The following FSTL5 variants were observed in gnomAD, a reference collection of about 807,000 sequenced individuals.
The protein encoded by FSTL5 is follistatin like 5, also known as follistatin-related protein 5.
A neutral mutation model predicts 89.1 loss-of-function variants in FSTL5; 62 were observed. The ratio of observed to expected loss-of-function variants is 0.70; its 90% CI spans 0.57 to 0.86. FSTL5 has a LOEUF of 0.86. Among genes scored for constraint, FSTL5 ranks in the 40% least tolerant of loss-of-function variants. The pLI is 0.00. For synonymous variants in FSTL5, 383 were observed against 346.2 expected (o/e 1.11, Z -1.18); for missense variants, 1,057 against 1,001.6 (o/e 1.06, Z -0.75).
At chr4:161,958,277 C>T (rs960796665) in intron 3 of FSTL5, among the ~76,000 whole-genome samples, 1 of 151,940 alleles carries the variant, frequency 6.6e-6, no homozygotes, top group Non-Finnish European at 1.5e-5. Context: ...TCTTTAATGT[C>T]CATATCTACT....
intron 15 of FSTL5, among the ~76,000 whole-genome samples, chr4:161,399,228 G>A (rs1731101012): frequency 6.6e-6 from 1 of 152,032 alleles, no homozygotes. Context: ...CTGATGTCAT[G>A]AATGGTCAAA....
At chr4:161,651,817 A>C (rs1003400717) in intron 7 of FSTL5, among the ~76,000 whole-genome samples, 2 of 152,216 alleles carry the variant, frequency 1.3e-5, no homozygotes, top group Non-Finnish European at 2.9e-5. Context: ...TTGCAAAACA[A>C]TGTCATAATG....
chr4:161,838,249 C>T (rs1326620737), intron 4 of FSTL5, among the ~76,000 whole-genome samples: 3 of 152,088 alleles, frequency 2.0e-5, no homozygotes, highest in South Asian at 2.1e-4. Flanking sequence ...GGTGTTGTAC[C>T]TCTTTACCTT....
intron 10 of FSTL5, among the ~76,000 whole-genome samples, chr4:161,528,394 A>T (rs1280441197): frequency 7.0e-6 from 1 of 143,660 alleles, no homozygotes; most frequent in East Asian, 2.4e-4. Flanking sequence ...TATAAAGCAA[A>T]AAAGGAGGAA....
chr4:161,887,478 A>C (rs1430340203), intron 4 of FSTL5, among the ~76,000 whole-genome samples: 1 of 151,390 alleles, frequency 6.6e-6, no homozygotes, highest in Non-Finnish European at 1.5e-5. Flanking sequence ...CTGTTTTTCT[A>C]TCTACTTCTA....
rs1358538331 is a variant in FSTL5 at position 161,562,255 on chromosome 4, G to C, written c.1016-19562C>G. Among the ~76,000 whole-genome samples the C allele has an allele frequency of 5.9e-5, 9 of 151,864 alleles. No homozygotes were observed. In the South Asian group the frequency reaches 1.3e-3, roughly 21 times the overall value. Reference sequence around the variant, plus strand: ...TCACTTTGTAGGAAGTTTTGAAATTGGGAAGTGTGAGTTCCCCAGGTTTGT... The same window carrying C: ...TCACTTTGTAGGAAGTTTTGAAATTCGGAAGTGTGAGTTCCCCAGGTTTGT... On this transcript the variant is annotated intron_variant, in intron 8 of 15. Coordinates refer to ENST00000306100, the MANE Select transcript of FSTL5 (RefSeq NM_020116.5).
chr4:161,938,508 T>C (rs1734492842), intron 3 of FSTL5, among the ~76,000 whole-genome samples: 1 of 152,050 alleles, frequency 6.6e-6, no homozygotes, highest in Non-Finnish European at 1.5e-5. Context: ...CAGAGAATTG[T>C]TTCTATGAGA....
intron 15 of FSTL5, among the ~76,000 whole-genome samples, chr4:161,391,004 G>A (rs2314133): frequency 0.18 from 26,756 of 151,998 alleles, 2,495 homozygotes; most frequent in South Asian, 0.33. Context: ...ACAAGCCTTC[G>A]CACGCGCATT....
At chr4:161,883,110 G>A (rs980055106) in intron 4 of FSTL5, among the ~76,000 whole-genome samples, 5 of 152,098 alleles carry the variant, frequency 3.3e-5, no homozygotes, top group Non-Finnish European at 7.4e-5. Context: ...TGGGAAGTGT[G>A]ATTTTGTTTT....
chr4:161,811,649 GA>G (rs1475201837), intron 4 of FSTL5, among the ~76,000 whole-genome samples: 3 of 151,832 alleles, frequency 2.0e-5, no homozygotes, highest in Non-Finnish European at 2.9e-5. Context: ...AAGCGGGCTT[GA>G]AAAAAATAAA....
At chr4:162,120,281 G>T (rs1229600206) in intron 1 of FSTL5, among the ~76,000 whole-genome samples, 2 of 152,044 alleles carry the variant, frequency 1.3e-5, no homozygotes, top group Non-Finnish European at 2.9e-5. Flanking sequence ...AAATAGAAAT[G>T]TTTATACTCT....
chr4:161,634,931 C>T (rs1465899894), intron 7 of FSTL5, among the ~76,000 whole-genome samples: 2 of 152,118 alleles, frequency 1.3e-5, no homozygotes, highest in African/African-American at 2.4e-5. Context: ...TCTTAATTAG[C>T]TTGATTGTGG....
chr4:161,408,930 T>C (rs1047642647), intron 15 of FSTL5, among the ~76,000 whole-genome samples: 1 of 152,162 alleles, frequency 6.6e-6, no homozygotes, highest in Non-Finnish European at 1.5e-5. Flanking sequence ...GAAGAGACCA[T>C]ATCCATGACA....
At chr4:161,850,634 G>A (rs977323291) in intron 4 of FSTL5, among the ~76,000 whole-genome samples, 1 of 152,124 alleles carries the variant, frequency 6.6e-6, no homozygotes, top group Admixed American at 6.6e-5. Flanking sequence ...AGGAATTGTT[G>A]TCTAAGGCTG....
At position 161,383,919 on chromosome 4, in the gene FSTL5, T is replaced by G. The variant is rs1730520038; in HGVS notation, c.*1828A>C. ...GGGTTAAAATGTAAGAGGTTTATTCTCCTTTTATCAAGCAGTGTCTACAGA... is the reference window on the plus strand; with the variant it reads ...GGGTTAAAATGTAAGAGGTTTATTCGCCTTTTATCAAGCAGTGTCTACAGA... On this transcript the variant is annotated 3_prime_UTR_variant, in exon 16 of 16. Transcript: ENST00000306100. 1 of 152,068 alleles carries G rather than the reference T, an allele frequency of 6.6e-6. No individual in the cohort carries two copies. The highest frequency in any genetic ancestry group is 2.4e-5 in the African/African-American group (1 of 41,434). 9.4% of individuals were successfully genotyped at this position (152,068 alleles called of 1,614,324 possible). A position where few individuals can be genotyped will look rare whatever the true frequency, so the allele number is the denominator to read the frequency against.
chr4:161,752,349 A>G lies in FSTL5; in HGVS notation c.727+7062T>C, dbSNP rs1160483312. 3.3e-5 allele frequency among the ~76,000 whole-genome samples: 5 copies of G among 152,114 alleles called. No homozygotes were observed. In the East Asian group the frequency reaches 7.7e-4, roughly 23 times the overall value. On this transcript the variant is annotated intron_variant, in intron 6 of 15. Coordinates refer to ENST00000306100, the MANE Select transcript of FSTL5 (RefSeq NM_020116.5). Reference sequence around the variant, plus strand: ...TTCCTTTCTCGCAAAGGCTACCATCATATTAATTCTAAAATCATAGAGGAG... The same window carrying G: ...TTCCTTTCTCGCAAAGGCTACCATCGTATTAATTCTAAAATCATAGAGGAG...
intron 4 of FSTL5, among the ~76,000 whole-genome samples, chr4:161,863,497 C>T (rs1002510927): frequency 6.6e-6 from 1 of 151,982 alleles, no homozygotes; most frequent in African/African-American, 2.4e-5. Context: ...GAGAACATTG[C>T]GAGGCATGAT....
At chr4:161,516,824 T>C (rs1465023024) in intron 10 of FSTL5, among the ~76,000 whole-genome samples, 1 of 151,156 alleles carries the variant, frequency 6.6e-6, no homozygotes, top group Non-Finnish European at 1.5e-5. Flanking sequence ...CCTTGTCATC[T>C]TCAACTCACA....
chr4:161,938,344 T>C lies in FSTL5; in HGVS notation c.161-17692A>G, dbSNP rs570014298. Among the ~76,000 whole-genome samples the C allele has an allele frequency of 3.3e-5, 5 of 152,212 alleles. No homozygotes were observed. The East Asian group carries it at 9.7e-4, about 29-fold the overall frequency. On this transcript the variant is annotated intron_variant, in intron 3 of 15. Coordinates refer to ENST00000306100, the MANE Select transcript of FSTL5 (RefSeq NM_020116.5). ...TTCATACACTAATTTATTTATTTTA[T>C]GCAAAAACAATAAAAAATGTATTAT...
Sources: allele counts gnomAD v4.1 joint callset (sites outside exome capture counted in the v4.1 genomes callset), GRCh38; gene constraint gnomAD v4.1.1; transcripts MANE v1.5; gene names NCBI Gene and HGNC (gene_info 2026-07-23, HGNC 2026-07-21).